ARHGEF38: variants seen among roughly 807,000 people sequenced by gnomAD.
ARHGEF38 encodes Rho guanine nucleotide exchange factor 38, also known as Rho guanine nucleotide exchange factor (GEF) 38.
Under a neutral mutation model 79.9 loss-of-function variants are expected in ARHGEF38, and 79 were observed. The ratio of observed to expected loss-of-function variants is 0.99; its 90% CI spans 0.82 to 1.19. The LOEUF is 1.19. Ranked by LOEUF, ARHGEF38 falls within the 50% of genes most tolerant of loss-of-function variation. The probability of loss-of-function intolerance (pLI) is 0.00; values close to 1 mark genes in which losing one functional copy is unlikely to be tolerated. For synonymous variants in ARHGEF38, 366 were observed against 328.3 expected, an observed-to-expected ratio of 1.11 and a Z score of -1.24; for missense variants, 962 against 907.2, an observed-to-expected ratio of 1.06 and a Z score of -0.78.
At chr4:105,638,065 A>G (rs1404901716) in intron 5 of ARHGEF38, among the ~76,000 whole-genome samples, 1 of 152,144 alleles carries the variant, frequency 6.6e-6, no homozygotes, top group Non-Finnish European at 1.5e-5. Flanking sequence ...GAAAGGGCAA[A>G]AGGCAATGTC....
intron 5 of ARHGEF38, among the ~76,000 whole-genome samples, chr4:105,642,553 TTTAAAG>T (rs1729664150): frequency 6.6e-6 from 1 of 152,140 alleles, no homozygotes; most frequent in African/African-American, 2.4e-5. Flanking sequence ...GTTCTTAACA[TTTAAAG>T]TTAAAGTTCT....
At chr4:105,594,872 C>CATA (rs1727509732) in intron 2 of ARHGEF38, among the ~76,000 whole-genome samples, 1 of 152,152 alleles carries the variant, frequency 6.6e-6, no homozygotes, top group Non-Finnish European at 1.5e-5. Flanking sequence ...AAACGTTATC[C>CATA]ACATCAGTTA....
intron 1 of ARHGEF38, among the ~76,000 whole-genome samples, chr4:105,584,212 A>T (rs941636476): frequency 6.6e-6 from 1 of 152,228 alleles, no homozygotes; most frequent in South Asian, 2.1e-4. Flanking sequence ...GTTACTGTTA[A>T]AAAATAAAAC....
intron 2 of ARHGEF38, among the ~76,000 whole-genome samples, chr4:105,611,533 C>A (rs969592681): frequency 4.6e-5 from 7 of 151,870 alleles, no homozygotes; most frequent in South Asian, 2.1e-4. Context: ...TATTAAATGA[C>A]AACTTCATGT....
At chr4:105,673,524 ATATACCTACTGT>A (rs1417839517) in intron 13 of ARHGEF38, among the ~76,000 whole-genome samples, 2 of 152,204 alleles carry the variant, frequency 1.3e-5, no homozygotes, top group Non-Finnish European at 2.9e-5. Flanking sequence ...TGATGATGCT[ATATACCTACTGT>A]GTCATTGTTT....
chr4:105,661,614 G>C (rs1370526967), intron 10 of ARHGEF38, among the ~76,000 whole-genome samples: 1 of 151,526 alleles, frequency 6.6e-6, no homozygotes, highest in Non-Finnish European at 1.5e-5. Flanking sequence ...TTAAATTGAA[G>C]TAATAACTTC....
chr4:105,614,341 A>C (rs1018134334), intron 3 of ARHGEF38, among the ~76,000 whole-genome samples: 1 of 152,150 alleles, frequency 6.6e-6, no homozygotes, highest in Non-Finnish European at 1.5e-5. Context: ...ATTTCCTTTC[A>C]TATATCCCTC....
rs1382253223 is a variant in ARHGEF38, at chr4:105,659,273, C to G, written c.1453C>G (p.Arg485Gly). 4 of 1,536,064 alleles carry G rather than the reference C, an allele frequency of 2.6e-6. No individual in the cohort carries two copies. Among genetic ancestry groups the G allele is most frequent in the Middle Eastern group, 1.7e-4 (1 of 5,982 alleles). Reference protein sequence around the residue: ...EELQAFNQAARKILLNCLCSF... With the variant: ...EELQAFNQAAGKILLNCLCSF... ...GCTCCAGGCATTCAACCAGGCTGCT[C>G]GGAAGATTCTGTTGAACTGTCTATG... The change falls in exon 10 of 14, where the codon CGG becomes GGG. Residue 485 changes from arginine (R) to glycine (G), a missense_variant. Transcript: ENST00000420470.
At position 105,589,215 on chromosome 4, in the gene ARHGEF38, A is replaced by G. The variant is rs770089953; in HGVS notation, c.197-33A>G. 5.1e-6 allele frequency: 8 copies of G among 1,555,910 alleles called. No homozygotes were observed. In the South Asian group the frequency reaches 9.8e-5, roughly 19 times the overall value. ...ATGAAGGAAAAAGAAACCTCAGCAG[A>G]ATGCCTCACCTGTATATGTTTTCAT... On this transcript the variant is annotated intron_variant, in intron 1 of 13. Transcript: ENST00000420470.
intron 1 of ARHGEF38, 32 bp downstream of exon 1, chr4:105,552,993 C>G (rs1007130212): frequency 6.5e-7 from 1 of 1,541,772 alleles, no homozygotes. Flanking sequence ...GTCCCAGTTA[C>G]TGCACTCCCA....
intron 2 of ARHGEF38, among the ~76,000 whole-genome samples, chr4:105,605,804 C>T (rs1728012302): frequency 1.3e-5 from 2 of 152,022 alleles, no homozygotes; most frequent in African/African-American, 2.4e-5. Context: ...TGCCAACATC[C>T]TTTTTTTCCA....
intron 10 of ARHGEF38, among the ~76,000 whole-genome samples, chr4:105,661,974 A>G (rs1461438856): frequency 6.6e-6 from 1 of 152,146 alleles, no homozygotes; most frequent in Non-Finnish European, 1.5e-5. Flanking sequence ...GATTTATAGA[A>G]ATGATAGAAG....
At chr4:105,660,218 G>A (rs1052359079) in intron 10 of ARHGEF38, among the ~76,000 whole-genome samples, 5 of 152,042 alleles carry the variant, frequency 3.3e-5, no homozygotes, top group African/African-American at 1.2e-4. Context: ...ACTCATACCT[G>A]TTCCTCTAGC....
chr4:105,587,935 G>T (rs73837036), intron 1 of ARHGEF38, among the ~76,000 whole-genome samples: 2,781 of 152,136 alleles, frequency 0.018, 80 homozygotes, highest in African/African-American at 0.064. Flanking sequence ...ACCTAGTATA[G>T]CTTCCAAACT....
intron 3 of ARHGEF38, among the ~76,000 whole-genome samples, chr4:105,623,952 C>T (rs887067951): frequency 1.3e-5 from 2 of 152,188 alleles, no homozygotes; most frequent in Non-Finnish European, 2.9e-5. Flanking sequence ...ACAGCCCCTT[C>T]TTTGAGAGCC....
At chr4:105,592,029 G>T (rs976899752) in intron 2 of ARHGEF38, among the ~76,000 whole-genome samples, 1 of 152,068 alleles carries the variant, frequency 6.6e-6, no homozygotes, top group Non-Finnish European at 1.5e-5. Context: ...TTCAAATGTT[G>T]ATTTTAAATG....
At chr4:105,608,052 G>A in intron 2 of ARHGEF38, among the ~76,000 whole-genome samples, 1 of 152,116 alleles carries the variant, frequency 6.6e-6, no homozygotes, top group East Asian at 1.9e-4. Flanking sequence ...CCCAGATCAA[G>A]ATGCCAGCAG....
intron 10 of ARHGEF38, among the ~76,000 whole-genome samples, chr4:105,664,046 T>C (rs116979429): frequency 1.3e-5 from 2 of 152,052 alleles, no homozygotes; most frequent in East Asian, 3.9e-4. Flanking sequence ...CATATGTCAA[T>C]GATCATTTGG....
intron 1 of ARHGEF38, among the ~76,000 whole-genome samples, chr4:105,571,512 C>T (rs1277736849): frequency 6.6e-6 from 1 of 151,830 alleles, no homozygotes; most frequent in African/African-American, 2.4e-5. Context: ...TTAGTAAAGA[C>T]GGGTTTCACT....
Sources: allele counts gnomAD v4.1 joint callset (sites outside exome capture counted in the v4.1 genomes callset), GRCh38; gene constraint gnomAD v4.1.1; transcripts MANE v1.5; gene names NCBI Gene and HGNC (gene_info 2026-07-23, HGNC 2026-07-21).